The following CHODL variants were observed in gnomAD, a reference collection of about 807,000 sequenced individuals.
The protein encoded by CHODL is transmembrane protein MT75.
In CHODL, 29 loss-of-function variants were observed where a neutral mutation model predicts 34.5. That is an observed-to-expected ratio of 0.84 (90% CI 0.63 to 1.15). The LOEUF is 1.15. Among genes scored for constraint, CHODL ranks in the 50% most tolerant of loss-of-function variants. The pLI is 0.00. For missense variants in CHODL, 332 were observed against 332.5 expected (o/e 1.00, Z 0.01); for synonymous variants, 125 against 116.1 (o/e 1.08, Z -0.49).
rs2074473702 is a variant in CHODL, at chr21:18,267,127, CACAG to C, written c.*1093_*1096del. On this transcript the variant is annotated 3_prime_UTR_variant, in exon 6 of 6. Transcript: ENST00000299295. ...TATCAGTGTGGAGACAAGCACAGCA[CACAG>C]ACATTTTAGGAAGGAAAGGAACTAC... 6.6e-6 allele frequency: 1 copy of C among 152,156 alleles called. No individual in the cohort carries two copies. The highest frequency in any genetic ancestry group is 2.4e-5 in the African/African-American group (1 of 41,438). 9.4% of individuals were successfully genotyped at this position (152,156 alleles called of 1,614,324 possible).
intron 1 of CHODL, among the ~76,000 whole-genome samples, chr21:17,936,809 C>T (rs1320642705): frequency 6.6e-6 from 1 of 152,016 alleles, no homozygotes; most frequent in East Asian, 1.9e-4. Context: ...GGCGTGGTGG[C>T]TCACGCCTTT....
chr21:17,976,023 C>G (rs954227120), intron 1 of CHODL, among the ~76,000 whole-genome samples: 1 of 152,104 alleles, frequency 6.6e-6, no homozygotes, highest in African/African-American at 2.4e-5. Context: ...CCTTAAGTTT[C>G]TGTGAGAAAT....
intron 1 of CHODL, among the ~76,000 whole-genome samples, chr21:17,948,261 A>G (rs1443044527): frequency 6.6e-6 from 1 of 152,090 alleles, no homozygotes; most frequent in Non-Finnish European, 1.5e-5. Flanking sequence ...ATAATAATCC[A>G]TGTAACAAAA....
chr21:17,994,596 G>C (rs1325753721), intron 1 of CHODL, among the ~76,000 whole-genome samples: 2 of 152,192 alleles, frequency 1.3e-5, no homozygotes, highest in African/African-American at 2.4e-5. Context: ...CTAATTTCCA[G>C]GCCCGTGGAG....
At chr21:18,235,133 A>G (rs1269132367) in intron 2 of CHODL, among the ~76,000 whole-genome samples, 2 of 152,144 alleles carry the variant, frequency 1.3e-5, no homozygotes, top group African/African-American at 4.8e-5. Flanking sequence ...TTGTGAAAGC[A>G]GAATGTGGAC....
intron 1 of CHODL, among the ~76,000 whole-genome samples, chr21:18,003,456 TACTG>T (rs1352916627): frequency 2.0e-5 from 3 of 151,288 alleles, no homozygotes; most frequent in African/African-American, 7.3e-5. Flanking sequence ...TGAAAACCAA[TACTG>T]ACTGATTGCT....
At chr21:17,926,866 A>C (rs2063227734) in intron 1 of CHODL, among the ~76,000 whole-genome samples, 1 of 152,084 alleles carries the variant, frequency 6.6e-6, no homozygotes, top group African/African-American at 2.4e-5. Flanking sequence ...ACTCTGGAAC[A>C]TAAGTCACTG....
intron 1 of CHODL, among the ~76,000 whole-genome samples, chr21:18,248,830 T>C (rs1369930237): frequency 1.7e-5 from 2 of 119,242 alleles, no homozygotes; most frequent in Non-Finnish European, 3.2e-5. Flanking sequence ...TATATGTATG[T>C]ATATTGTATA....
chr21:18,189,335 G>A (rs2073483115), intron 2 of CHODL, among the ~76,000 whole-genome samples: 3 of 131,770 alleles, frequency 2.3e-5, no homozygotes, highest in African/African-American at 7.8e-5. Context: ...ACAAGCAAGT[G>A]AGATTTAAAA....
chr21:17,940,103 T>C (rs1000107841), intron 1 of CHODL, among the ~76,000 whole-genome samples: 3 of 152,218 alleles, frequency 2.0e-5, no homozygotes, highest in Admixed American at 6.5e-5. Context: ...TCATATTTCA[T>C]TGGCCCAGAA....
chr21:18,177,631 G>T (rs972356326), intron 2 of CHODL, among the ~76,000 whole-genome samples: 2 of 152,148 alleles, frequency 1.3e-5, no homozygotes, highest in East Asian at 1.9e-4. Flanking sequence ...GCCAGAAAAT[G>T]TGCCAACATT....
intron 2 of CHODL, among the ~76,000 whole-genome samples, chr21:18,188,836 G>A (rs2073476760): frequency 6.6e-6 from 1 of 152,244 alleles, no homozygotes; most frequent in African/African-American, 2.4e-5. Flanking sequence ...GCATGCCGTA[G>A]TAAACGATGT....
intron 1 of CHODL, among the ~76,000 whole-genome samples, chr21:18,256,021 A>G (rs1176030879): frequency 6.6e-6 from 1 of 152,140 alleles, no homozygotes; most frequent in Non-Finnish European, 1.5e-5. Flanking sequence ...TGTTTCGGGT[A>G]TAAAAAATGA....
chr21:17,990,984 A>C (rs932551524), intron 1 of CHODL, among the ~76,000 whole-genome samples: 1 of 152,078 alleles, frequency 6.6e-6, no homozygotes, highest in Non-Finnish European at 1.5e-5. Context: ...TCCGAGGCTC[A>C]AGTAACCATT....
intron 2 of CHODL, among the ~76,000 whole-genome samples, chr21:18,181,838 T>C (rs1024971094): frequency 2.0e-5 from 3 of 152,188 alleles, no homozygotes; most frequent in African/African-American, 7.2e-5. Flanking sequence ...GCTAATTCAT[T>C]CCAAGGCTCC....
At chr21:18,063,578 AAG>A (rs2064694951) in intron 2 of CHODL, among the ~76,000 whole-genome samples, 1 of 152,220 alleles carries the variant, frequency 6.6e-6, no homozygotes, top group Non-Finnish European at 1.5e-5. Context: ...TTTGAGAAAA[AAG>A]AAAAATAACT....
intron 2 of CHODL, among the ~76,000 whole-genome samples, chr21:18,066,210 C>T (rs562284631): frequency 6.6e-6 from 1 of 152,162 alleles, no homozygotes; most frequent in South Asian, 2.1e-4. Context: ...AAATTATGTA[C>T]CTGATTTGCA....
In CHODL at chr21:18,053,107, T is replaced by C. The variant is rs900813506; in HGVS notation, c.-45+25136T>C. ...GATTGTCTATGTGACATAGAAACTATACAGTATTATCAGCTGTGAATGCAG... is the reference window on the plus strand; with the variant it reads ...GATTGTCTATGTGACATAGAAACTACACAGTATTATCAGCTGTGAATGCAG... On this transcript the variant is annotated intron_variant, in intron 2 of 6. Transcript: ENST00000400127. 2.6e-5 allele frequency among the ~76,000 whole-genome samples: 4 copies of C among 152,050 alleles called. No individual in the cohort carries two copies. In the Middle Eastern group the frequency reaches 0.014, roughly 517 times the overall value.
chr21:18,093,964 A>T (rs1466951118), intron 2 of CHODL, among the ~76,000 whole-genome samples: 1 of 152,098 alleles, frequency 6.6e-6, no homozygotes, highest in Non-Finnish European at 1.5e-5. Context: ...CCAATGATCT[A>T]TGCTTACAGG....
Sources: allele counts gnomAD v4.1 joint callset (sites outside exome capture counted in the v4.1 genomes callset), GRCh38; gene constraint gnomAD v4.1.1; transcripts MANE v1.5; gene names NCBI Gene and HGNC (gene_info 2026-07-23, HGNC 2026-07-21).